Variants in NCR1 observed in about 807,000 individuals in gnomAD.
The protein encoded by NCR1 is NK cell-activating receptor.
NCR1 carries 30 observed loss-of-function variants against 32.5 expected under a neutral mutation model. The observed-to-expected ratio is 0.92, with a 90% CI of 0.69 to 1.25. The LOEUF (loss-of-function observed/expected upper bound fraction) is 1.25. NCR1 is among the 50% of genes most tolerant of loss of function. The pLI, the probability that NCR1 is intolerant of heterozygous loss-of-function variation, is 0.00. For synonymous variants in NCR1, 169 were observed against 143.4 expected, an observed-to-expected ratio of 1.18 and a Z score of -1.28; for missense variants, 369 against 380.7, an observed-to-expected ratio of 0.97 and a Z score of 0.26.
upstream of NCR1, among the ~76,000 whole-genome samples, chr19:54,902,288 T>G (rs1019345239): frequency 6.6e-6 from 1 of 151,772 alleles, no homozygotes; most frequent in African/African-American, 2.4e-5. Flanking sequence ...GAAATCTGGA[T>G]GAAGAAATTA....
the NCR1 span, among the ~76,000 whole-genome samples, chr19:54,932,869 C>T: frequency 6.6e-6 from 1 of 152,024 alleles, no homozygotes; most frequent in Non-Finnish European, 1.5e-5. Flanking sequence ...GTTGGCCAGG[C>T]TGGTCTCGAA....
upstream of NCR1, among the ~76,000 whole-genome samples, chr19:54,903,693 G>A (rs1262082350): frequency 1.4e-5 from 2 of 147,900 alleles, no homozygotes; most frequent in Admixed American, 6.9e-5. Flanking sequence ...GTATATATGT[G>A]TATATATATA....
At chr19:54,927,806 T>C in the NCR1 span, 1 of 1,602,412 alleles carries the variant, frequency 6.2e-7, no homozygotes, top group Non-Finnish European at 8.5e-7. Context: ...AATCCACGCA[T>C]TCACTGAGCA....
At chr19:54,922,409 G>A in the NCR1 span, among the ~76,000 whole-genome samples, 569 of 152,258 alleles carry the variant, frequency 3.7e-3, 6 homozygotes, top group African/African-American at 0.013. Context: ...ATGGGAAGCC[G>A]AGAGAAACGG....
chr19:54,906,028 G>A (rs1478746263), upstream of NCR1: 1 of 826,066 alleles, frequency 1.2e-6, no homozygotes, highest in Admixed American at 2.0e-5. Context: ...CTCATGGTCA[G>A]AGGCGGAGGG....
At chr19:54,937,188 A>C in the NCR1 span, among the ~76,000 whole-genome samples, 1 of 151,518 alleles carries the variant, frequency 6.6e-6, no homozygotes, top group African/African-American at 2.4e-5. Flanking sequence ...ACTGCACTCC[A>C]GCCTGGGGAA....
the NCR1 span, among the ~76,000 whole-genome samples, chr19:54,921,885 A>G: frequency 0.023 from 3,425 of 145,826 alleles, 112 homozygotes; most frequent in African/African-American, 0.081. Context: ...AACTTTCCCC[A>G]TATCAATGCT....
the NCR1 span, among the ~76,000 whole-genome samples, chr19:54,933,246 C>T: frequency 6.6e-6 from 1 of 152,060 alleles, no homozygotes; most frequent in Non-Finnish European, 1.5e-5. Context: ...TCCAGGTTCA[C>T]GCCATTCTCC....
chr19:54,920,014 T>C (rs979686932), downstream of NCR1, among the ~76,000 whole-genome samples: 9 of 152,188 alleles, frequency 5.9e-5, no homozygotes, highest in African/African-American at 2.2e-4. Flanking sequence ...TAAAAAGTAA[T>C]TGCTACCGGC....
chr19:54,911,303 C>T (rs997278582), intron 5 of NCR1, among the ~76,000 whole-genome samples: 17 of 149,828 alleles, frequency 1.1e-4, no homozygotes, highest in Non-Finnish European at 2.4e-4. Context: ...GAGCTGAGAT[C>T]GCGCCACTGC....
intron 5 of NCR1, among the ~76,000 whole-genome samples, chr19:54,911,348 C>CAAAAAA (rs1322243831): frequency 7.6e-6 from 1 of 132,396 alleles, no homozygotes; most frequent in Non-Finnish European, 1.6e-5. Context: ...GACTCCGTCT[C>CAAAAAA]AAAAAAAAAG....
At chr19:54,909,934 C>CAA (rs11345154) in intron 4 of NCR1, 84 bp from the exon 5 acceptor site, 41,415 of 599,514 alleles carry the variant, frequency 0.069, 82 homozygotes, top group Non-Finnish European at 0.075. Flanking sequence ...GACTCCATCT[C>CAA]AAAAAAAAAA....
At chr19:54,929,233 G>A in the NCR1 span, among the ~76,000 whole-genome samples, 2 of 152,128 alleles carry the variant, frequency 1.3e-5, no homozygotes, top group African/African-American at 4.8e-5. Context: ...GCTGGGTATG[G>A]TGGTGCACGC....
chr19:54,922,595 T>C, the NCR1 span, among the ~76,000 whole-genome samples: 3 of 151,404 alleles, frequency 2.0e-5, no homozygotes, highest in Middle Eastern at 3.4e-3. Flanking sequence ...CTGGCCAACA[T>C]TGTGAAACCC....
chr19:54,935,227 GGAA>G, the NCR1 span, among the ~76,000 whole-genome samples: 3 of 147,518 alleles, frequency 2.0e-5, no homozygotes, highest in Non-Finnish European at 4.5e-5. Context: ...TTTGCAGGGG[GGAA>G]AAAAAAATTT....
the NCR1 span, chr19:54,933,616 A>G: frequency 3.1e-6 from 5 of 1,614,194 alleles, no homozygotes; most frequent in Non-Finnish European, 3.4e-6. Flanking sequence ...CCTCACACAG[A>G]AACTTCACCC....
rs748590677 is a variant in NCR1 at position 54,909,285 on chromosome 19, C to G, written c.396C>G (p.Pro132=). Residue 132 remains proline (P), a synonymous_variant, in exon 4 of 7, where the codon CCC becomes CCG. Coordinates refer to ENST00000291890, the MANE Select transcript of NCR1 (RefSeq NM_004829.7). ...CCACCCTCTCGGTTCATCCTGGACC[C>G]GAAGTGATCTCGGGAGAGAAGGTGA... is the stretch of plus-strand genomic sequence containing the variant. The part of the protein sequence containing the change: ...DTPTLSVHPG[P]EVISGEKVTF... The G allele has an allele frequency of 2.6e-5, 42 of 1,613,932 alleles. No homozygotes were observed. Among genetic ancestry groups the G allele is most frequent in the Middle Eastern group, 1.6e-4 (1 of 6,082 alleles).
At chr19:54,926,033 G>T in the NCR1 span, among the ~76,000 whole-genome samples, 1 of 149,824 alleles carries the variant, frequency 6.7e-6, no homozygotes, top group Non-Finnish European at 1.5e-5. Context: ...AAAAAAGACA[G>T]ACTCCGTCTC....
At chr19:54,920,285 G>C (rs528192058), downstream of NCR1, among the ~76,000 whole-genome samples, 56 of 152,228 alleles carry the variant, frequency 3.7e-4, no homozygotes, top group South Asian at 8.3e-4. Context: ...GCCACATCCC[G>C]AGAGGTTTTT....
Sources: gnomAD v4.1 joint callset for allele counts (sites outside exome capture counted in the v4.1 genomes callset) on GRCh38, gnomAD v4.1.1 for gene constraint, MANE v1.5 for transcripts, NCBI Gene and HGNC (gene_info 2026-07-23, HGNC 2026-07-21) for gene names.